The following PSG11 variants were observed in gnomAD, a reference collection of about 807,000 sequenced individuals.
The protein encoded by PSG11 is pregnancy-specific beta-1-glycoprotein 11.
Under a neutral mutation model 36.0 loss-of-function variants are expected in PSG11, and 42 were observed. The observed-to-expected ratio is 1.17, with a 90% CI of 0.91 to 1.51. The LOEUF is 1.51. Among genes scored for constraint, PSG11 ranks in the 40% most tolerant of loss-of-function variants. The probability of loss-of-function intolerance (pLI) is 0.00; values close to 1 mark genes in which losing one functional copy is unlikely to be tolerated. For missense variants in PSG11, 558 were observed against 403.5 expected (o/e 1.38, Z -3.28); for synonymous variants, 206 against 153.5 (o/e 1.34, Z -2.53).
chr19:43,017,941 T>C (rs1234926792), intron 3 of PSG11, among the ~76,000 whole-genome samples: 1 of 151,382 alleles, frequency 6.6e-6, no homozygotes, highest in Non-Finnish European at 1.5e-5. Context: ...TAAAGAATGA[T>C]CTAGAAAGAG....
chr19:43,008,910 A>G (rs1465541551), intron 5 of PSG11, among the ~76,000 whole-genome samples: 1 of 151,206 alleles, frequency 6.6e-6, no homozygotes, highest in Non-Finnish European at 1.5e-5. Context: ...GAAGACTTAA[A>G]AATTACCAAT....
intron 4 of PSG11, among the ~76,000 whole-genome samples, chr19:43,012,266 T>G (rs1382745110): frequency 6.6e-6 from 1 of 151,424 alleles, no homozygotes; most frequent in Non-Finnish European, 1.5e-5. Context: ...TTTTGACACT[T>G]TTATTCAACA....
chr19:43,022,451 TC>T (rs1419709706), intron 2 of PSG11, among the ~76,000 whole-genome samples: 1 of 151,280 alleles, frequency 6.6e-6, no homozygotes, highest in African/African-American at 2.4e-5. Context: ...CATTTTTTAG[TC>T]CTGTGCCCCT....
chr19:43,014,380 C>G, intron 4 of PSG11: 1 of 932,890 alleles, frequency 1.1e-6, no homozygotes, highest in Non-Finnish European at 1.3e-6. Context: ...AGTCACTGTA[C>G]TCAGTGCTGT....
At chr19:43,015,954 C>T (rs749553133) in intron 3 of PSG11, 8 of 1,609,992 alleles carry the variant, frequency 5.0e-6, no homozygotes, top group Non-Finnish European at 6.8e-6. Context: ...AGGCATAGTT[C>T]TCACTCTTAG....
At chr19:43,014,445 G>A (rs771930160) in intron 4 of PSG11, 21 of 960,804 alleles carry the variant, frequency 2.2e-5, no homozygotes, top group South Asian at 1.9e-4. Context: ...GAGCCAGGAC[G>A]CAGCTCAGGA....
chr19:43,015,749 C>T, intron 3 of PSG11: 1 of 1,609,000 alleles, frequency 6.2e-7, no homozygotes, highest in Non-Finnish European at 8.5e-7. Context: ...TCCTGGCCCA[C>T]AGAGGAACAA....
intron 2 of PSG11, among the ~76,000 whole-genome samples, chr19:43,021,569 T>C (rs1274030694): frequency 1.3e-5 from 2 of 151,348 alleles, no homozygotes; most frequent in Admixed American, 6.6e-5. Context: ...GCCAGGATGG[T>C]CTCCATCTCC....
intron 4 of PSG11, among the ~76,000 whole-genome samples, chr19:43,013,482 C>G (rs1382402202): frequency 6.6e-6 from 1 of 151,344 alleles, no homozygotes; most frequent in Non-Finnish European, 1.5e-5. Flanking sequence ...GGAAGGAACA[C>G]AAATATCCAA....
In PSG11 at chr19:43,025,936, CTTTTTTTTTTTTTT is replaced by C. The variant is rs1195259262; in HGVS notation, c.64+359_64+372del. Among the ~76,000 whole-genome samples, 2 of 68,148 alleles carry C rather than the reference CTTTTTTTTTTTTTT, an allele frequency of 2.9e-5. 1 individual carries two copies. The highest frequency in any genetic ancestry group is 1.3e-4 in the African/African-American group (2 of 15,536). 44.7% of individuals were successfully genotyped at this position (68,148 alleles called of 152,430 possible). ...CTTTCCTTTTTTTTTTTTTTTTTCT[CTTTTTTTTTTTTTT>C]TTTTTTTTTGAGATGGAGTCTCGTA... is the stretch of plus-strand genomic sequence containing the variant. On this transcript the variant is annotated intron_variant, in intron 1 of 5. Coordinates refer to ENST00000320078, the MANE Select transcript of PSG11 (RefSeq NM_002785.3).
chr19:43,008,639 C>G (rs1973993183), intron 5 of PSG11, among the ~76,000 whole-genome samples: 2 of 151,050 alleles, frequency 1.3e-5, no homozygotes. Context: ...CATCACTTAT[C>G]CCTTATTTGA....
intron 3 of PSG11, among the ~76,000 whole-genome samples, chr19:43,016,916 C>G (rs1242022659): frequency 6.6e-6 from 1 of 151,504 alleles, no homozygotes; most frequent in Non-Finnish European, 1.5e-5. Flanking sequence ...AAATCTGGTC[C>G]TCATGGACCA....
chr19:43,009,637 C>T (rs1472502545), intron 5 of PSG11, among the ~76,000 whole-genome samples: 1 of 151,252 alleles, frequency 6.6e-6, no homozygotes, highest in Admixed American at 6.6e-5. Context: ...AGTGGTTGAG[C>T]TTTATGGGAA....
rs749277925 is a variant in PSG11, at chr19:43,021,713, C to T, written c.431-2665G>A. ...TCAGCTTTTTACTTAGTGTTAGAAC[C>T]GAGTGACAAATTTCAAGCTTGTCAT... is the stretch of plus-strand genomic sequence containing the variant. On this transcript the variant is annotated intron_variant, in intron 2 of 5. Transcript: ENST00000320078. Among the ~76,000 whole-genome samples, 7 of 151,338 alleles carry T rather than the reference C, an allele frequency of 4.6e-5. 1 individual carries two copies. Among genetic ancestry groups the T allele is most frequent in the African/African-American group, 7.3e-5 (3 of 41,004 alleles).
rs374578033 is a variant in PSG11, at chr19:43,025,119, C to T, written c.65-63G>A. The T allele has an allele frequency of 7.1e-6, 11 of 1,557,854 alleles. 1 individual carries two copies. In the East Asian group the frequency reaches 2.0e-4, roughly 29 times the overall value. On this transcript the variant is annotated intron_variant, in intron 1 of 5. Coordinates refer to ENST00000320078, the MANE Select transcript of PSG11 (RefSeq NM_002785.3). ...TATGTATTGGGGTGAAAAGATGGGG[C>T]CCTGAGTCCTGAGAAGGTCTCTTCA...
intron 1 of PSG11, among the ~76,000 whole-genome samples, chr19:43,025,970 C>A (rs1378320143): frequency 2.1e-5 from 2 of 93,436 alleles, no homozygotes; most frequent in East Asian, 7.4e-4. Context: ...GAGATGGAGT[C>A]TCGTACTGTC....
intron 3 of PSG11, among the ~76,000 whole-genome samples, chr19:43,016,734 T>G (rs533139962): frequency 2.0e-5 from 3 of 151,646 alleles, no homozygotes; most frequent in African/African-American, 7.3e-5. Flanking sequence ...GTGAAGGGGA[T>G]AGGCAAGAGC....
In PSG11 at chr19:43,014,333, C is replaced by G. The variant is rs1360857505; in HGVS notation, c.964+783G>C. Reference sequence around the variant, plus strand: ...TGCCCCTTTCCTGCCATGCAGAGCCCCAGGGGTGAATCTTCCTATTTCTCC... The same window carrying G: ...TGCCCCTTTCCTGCCATGCAGAGCCGCAGGGGTGAATCTTCCTATTTCTCC... On this transcript the variant is annotated intron_variant, in intron 4 of 5. Coordinates refer to ENST00000320078, the MANE Select transcript of PSG11 (RefSeq NM_002785.3). 2 of 907,052 alleles carry G rather than the reference C, an allele frequency of 2.2e-6. 1 individual carries two copies. Among genetic ancestry groups the G allele is most frequent in the Non-Finnish European group, 2.6e-6 (2 of 759,916 alleles). The allele number at this position is 907,052 out of a possible 1,614,324, so 56.2% of individuals were successfully genotyped here. A position where few individuals can be genotyped will look rare whatever the true frequency, so the allele number is the denominator to read the frequency against.
chr19:43,025,210 G>C lies in PSG11; in HGVS notation c.65-154C>G, dbSNP rs1967212746. On this transcript the variant is annotated intron_variant, in intron 1 of 5. Coordinates refer to ENST00000320078, the MANE Select transcript of PSG11 (RefSeq NM_002785.3). ...ATACAAACATACACACACAGAAAAG[G>C]GGCATGTGTGTTTGTGTATGTGTAT... 9.1e-6 allele frequency: 12 copies of C among 1,322,598 alleles called. No individual in the cohort carries two copies. The South Asian group carries it at 1.2e-4, about 13-fold the overall frequency. 81.9% of individuals were successfully genotyped at this position (1,322,598 alleles called of 1,614,324 possible).
Sources: allele counts gnomAD v4.1 joint callset (sites outside exome capture counted in the v4.1 genomes callset), GRCh38; gene constraint gnomAD v4.1.1; transcripts MANE v1.5; gene names NCBI Gene and HGNC (gene_info 2026-07-23, HGNC 2026-07-21).